The following ENOX1 variants were observed in gnomAD, a reference collection of about 807,000 sequenced individuals.
The protein encoded by ENOX1 is ecto-NOX disulfide-thiol exchanger 1.
In ENOX1, 42 loss-of-function variants were observed where a neutral mutation model predicts 82.5. The ratio of observed to expected loss-of-function variants is 0.51; its 90% CI spans 0.40 to 0.66. The LOEUF (loss-of-function observed/expected upper bound fraction) is 0.66, where lower values mean the gene tolerates loss of function less well. Among genes scored for constraint, ENOX1 ranks in the 30% least tolerant of loss-of-function variants. The pLI, the probability that ENOX1 is intolerant of heterozygous loss-of-function variation, is 0.00. For synonymous variants in ENOX1, 271 were observed against 282.2 expected (o/e 0.96, Z 0.40); for missense variants, 608 against 811.6 (o/e 0.75, Z 3.05).
chr13:43,558,990 C>T (rs1394059692), intron 2 of ENOX1, among the ~76,000 whole-genome samples: 1 of 152,188 alleles, frequency 6.6e-6, no homozygotes, highest in East Asian at 1.9e-4. Context: ...CCCAATTCCT[C>T]ACCTCTCTTC....
At chr13:43,282,799 T>C (rs1345285720) in intron 12 of ENOX1, among the ~76,000 whole-genome samples, 1 of 151,946 alleles carries the variant, frequency 6.6e-6, no homozygotes, top group Non-Finnish European at 1.5e-5. Flanking sequence ...TGATATAAAA[T>C]TTTAAGCTAT....
chr13:43,313,003 T>A (rs2047294307), intron 11 of ENOX1, among the ~76,000 whole-genome samples: 1 of 152,168 alleles, frequency 6.6e-6, no homozygotes, highest in Non-Finnish European at 1.5e-5. Flanking sequence ...AATCCTTCGT[T>A]GATTTTATTT....
At chr13:43,738,214 G>A (rs911578477) in intron 1 of ENOX1, among the ~76,000 whole-genome samples, 2 of 151,904 alleles carry the variant, frequency 1.3e-5, no homozygotes, top group Admixed American at 6.6e-5. Flanking sequence ...CCACCTAGAG[G>A]AAAATAATTT....
intron 12 of ENOX1, among the ~76,000 whole-genome samples, chr13:43,282,186 T>C (rs1444924161): frequency 1.3e-5 from 2 of 152,182 alleles, no homozygotes; most frequent in Admixed American, 6.5e-5. Context: ...ATTACATTGA[T>C]AGATTTTTCA....
chr13:43,243,890 T>TA (rs1389423308), intron 14 of ENOX1, among the ~76,000 whole-genome samples: 1 of 152,002 alleles, frequency 6.6e-6, no homozygotes, highest in African/African-American at 2.4e-5. Flanking sequence ...ACTTCCTACT[T>TA]ACATTTTACA....
rs182012182 is a variant in ENOX1 at position 43,354,380 on chromosome 13, G to A, written c.823+1539C>T. Among the ~76,000 whole-genome samples the A allele has an allele frequency of 7.9e-5, 12 of 152,158 alleles. No homozygotes were observed. The East Asian group carries it at 1.2e-3, about 15-fold the overall frequency. On this transcript the variant is annotated intron_variant, in intron 8 of 16. Coordinates refer to ENST00000690772, the MANE Select transcript of ENOX1 (RefSeq NM_001347969.2). The stretch of plus-strand genomic sequence containing the variant: ...AAGAAGCATTCCTTGGTTACGGTGC[G>A]GGTATTTCAGTGGCAGCTGCAGTTG...
intron 2 of ENOX1, among the ~76,000 whole-genome samples, chr13:43,531,834 C>A (rs1396356198): frequency 2.7e-5 from 4 of 149,770 alleles, no homozygotes; most frequent in African/African-American, 4.9e-5. Context: ...ACAAAAAACC[C>A]AACACCGCAT....
chr13:43,408,832 G>T (rs2053950043), intron 5 of ENOX1, among the ~76,000 whole-genome samples: 1 of 151,896 alleles, frequency 6.6e-6, no homozygotes, highest in South Asian at 2.1e-4. Context: ...AGTCACTGGG[G>T]GCATGGAAAA....
At chr13:43,422,788 C>T (rs186461673) in intron 3 of ENOX1, among the ~76,000 whole-genome samples, 1 of 152,156 alleles carries the variant, frequency 6.6e-6, no homozygotes, top group East Asian at 1.9e-4. Context: ...CTCGGCATTA[C>T]AAATATAAGT....
chr13:43,522,303 T>C (rs918483437), intron 2 of ENOX1, among the ~76,000 whole-genome samples: 2 of 152,152 alleles, frequency 1.3e-5, no homozygotes, highest in African/African-American at 4.8e-5. Context: ...TTAATGAGCT[T>C]TTTGTGTACT....
At chr13:43,651,206 T>G (rs920320850) in intron 2 of ENOX1, among the ~76,000 whole-genome samples, 11 of 151,248 alleles carry the variant, frequency 7.3e-5, no homozygotes, top group African/African-American at 2.7e-4. Context: ...TTAGCTACTA[T>G]GATTATTATC....
intron 3 of ENOX1, among the ~76,000 whole-genome samples, chr13:43,478,420 G>A (rs1203631868): frequency 6.6e-6 from 1 of 151,970 alleles, no homozygotes; most frequent in Non-Finnish European, 1.5e-5. Flanking sequence ...GAGAAATTCT[G>A]AGAAGCCAAA....
intron 11 of ENOX1, among the ~76,000 whole-genome samples, chr13:43,308,661 A>T (rs1056654390): frequency 6.6e-6 from 1 of 152,194 alleles, no homozygotes; most frequent in Non-Finnish European, 1.5e-5. Context: ...TCCTTTGTGC[A>T]GCGAATCACC....
intron 11 of ENOX1, among the ~76,000 whole-genome samples, chr13:43,312,492 C>T (rs1427900601): frequency 2.0e-5 from 3 of 152,130 alleles, no homozygotes; most frequent in African/African-American, 4.8e-5. Context: ...TTCAGATCAA[C>T]CATCAAGCAT....
chr13:43,243,999 C>A (rs945709073), intron 14 of ENOX1, among the ~76,000 whole-genome samples: 3 of 152,002 alleles, frequency 2.0e-5, no homozygotes, highest in Middle Eastern at 6.8e-3. Context: ...TATGGCAGTT[C>A]ATCACTTATA....
rs182141567 is a variant in ENOX1, at chr13:43,585,026, T to C, written c.-219+82453A>G. Among the ~76,000 whole-genome samples the C allele has an allele frequency of 5.9e-5, 9 of 152,330 alleles. No homozygotes were observed. The East Asian group carries it at 1.5e-3, about 26-fold the overall frequency. On this transcript the variant is annotated intron_variant, in intron 2 of 16. Transcript: ENST00000690772. The stretch of plus-strand genomic sequence containing the variant: ...ATCCCCATAATCTTTGAATATGCTA[T>C]CTCATAAGGCAAAAAGGATTATGCA...
chr13:43,747,630 C>T (rs1301846392), intron 1 of ENOX1, among the ~76,000 whole-genome samples: 1 of 152,224 alleles, frequency 6.6e-6, no homozygotes, highest in Non-Finnish European at 1.5e-5. Context: ...CAGGCAGAAT[C>T]CTCTGGTGCC....
intron 2 of ENOX1, among the ~76,000 whole-genome samples, chr13:43,529,488 C>A (rs1003523227): frequency 6.6e-6 from 1 of 152,058 alleles, no homozygotes; most frequent in Admixed American, 6.6e-5. Flanking sequence ...TTGCTAAGAT[C>A]TATGCTAAGA....
chr13:43,607,468 G>A (rs1376354062), intron 2 of ENOX1, among the ~76,000 whole-genome samples: 3 of 152,028 alleles, frequency 2.0e-5, no homozygotes, highest in Non-Finnish European at 4.4e-5. Context: ...ATTACCAATG[G>A]CAGTAAGTTA....
Sources: gnomAD v4.1 joint callset for allele counts (sites outside exome capture counted in the v4.1 genomes callset) on GRCh38, gnomAD v4.1.1 for gene constraint, MANE v1.5 for transcripts, NCBI Gene and HGNC (gene_info 2026-07-23, HGNC 2026-07-21) for gene names.